CCDC178: variants seen among roughly 807,000 people sequenced by gnomAD.
CCDC178 encodes the protein coiled-coil domain containing 178, also known as coiled-coil domain-containing protein 178.
A neutral mutation model predicts 117.4 loss-of-function variants in CCDC178; 126 were observed. The ratio of observed to expected loss-of-function variants is 1.07; its 90% CI spans 0.93 to 1.24. The LOEUF (loss-of-function observed/expected upper bound fraction) is 1.24, where lower values mean the gene tolerates loss of function less well. CCDC178 is among the 50% of genes most tolerant of loss of function. CCDC178 has a pLI of 0.00. For missense variants in CCDC178, 1,030 were observed against 986.9 expected, an observed-to-expected ratio of 1.04 and a Z score of -0.59; for synonymous variants, 283 against 313.4, an observed-to-expected ratio of 0.90 and a Z score of 1.02.
chr18:32,991,243 C>G (rs529689428), intron 21 of CCDC178, among the ~76,000 whole-genome samples: 1 of 152,110 alleles, frequency 6.6e-6, no homozygotes, highest in Non-Finnish European at 1.5e-5. Flanking sequence ...TCCTTTTAAT[C>G]ATTGCACTTG....
At chr18:32,942,108 C>T (rs1440768777) in intron 22 of CCDC178, among the ~76,000 whole-genome samples, 2 of 152,108 alleles carry the variant, frequency 1.3e-5, no homozygotes, top group Non-Finnish European at 2.9e-5. Flanking sequence ...GTCATCTTTT[C>T]TCCTAATGTA....
At chr18:33,360,195 A>G (rs1236479759) in intron 6 of CCDC178, among the ~76,000 whole-genome samples, 2 of 151,016 alleles carry the variant, frequency 1.3e-5, no homozygotes, top group African/African-American at 4.8e-5. Flanking sequence ...ATATAGAATC[A>G]TCACATGATA....
chr18:33,353,887 T>C (rs1568170554), intron 7 of CCDC178, among the ~76,000 whole-genome samples: 1 of 152,206 alleles, frequency 6.6e-6, no homozygotes, highest in Non-Finnish European at 1.5e-5. Flanking sequence ...TATTGTTTAT[T>C]ATTTTATCAT....
chr18:33,053,238 C>A (rs2056774968), intron 21 of CCDC178, among the ~76,000 whole-genome samples: 1 of 152,128 alleles, frequency 6.6e-6, no homozygotes, highest in Non-Finnish European at 1.5e-5. Context: ...AGTCTACCTA[C>A]TGAGATGGCT....
At chr18:33,046,814 CAGAAG>C (rs770636948) in intron 21 of CCDC178, among the ~76,000 whole-genome samples, 1 of 152,074 alleles carries the variant, frequency 6.6e-6, no homozygotes, top group Non-Finnish European at 1.5e-5. Context: ...AGCAGCCCTA[CAGAAG>C]AGGGACCTGA....
intron 22 of CCDC178, among the ~76,000 whole-genome samples, chr18:32,964,589 A>G (rs2054771576): frequency 6.6e-6 from 1 of 151,990 alleles, no homozygotes; most frequent in Non-Finnish European, 1.5e-5. Flanking sequence ...GTCAGGGCAC[A>G]TTACTGTGTA....
At chr18:33,266,078 A>C (rs1041045705) in intron 14 of CCDC178, among the ~76,000 whole-genome samples, 36 of 152,150 alleles carry the variant, frequency 2.4e-4, no homozygotes, top group African/African-American at 8.4e-4. Flanking sequence ...TTGATAAGAC[A>C]TACATAAGAT....
At chr18:33,138,925 A>T (rs2058161836) in intron 20 of CCDC178, among the ~76,000 whole-genome samples, 3 of 152,194 alleles carry the variant, frequency 2.0e-5, no homozygotes, top group Admixed American at 6.5e-5. Context: ...CAAAGAAGGG[A>T]AGGAATTTCA....
intron 18 of CCDC178, among the ~76,000 whole-genome samples, chr18:33,217,193 TAGA>T (rs2059176689): frequency 6.6e-6 from 1 of 152,078 alleles, no homozygotes; most frequent in South Asian, 2.1e-4. Flanking sequence ...AGAATGATTT[TAGA>T]AGATTTCCAT....
intron 5 of CCDC178, among the ~76,000 whole-genome samples, chr18:33,386,505 C>T (rs753134019): frequency 2.6e-5 from 4 of 152,142 alleles, no homozygotes; most frequent in Non-Finnish European, 5.9e-5. Flanking sequence ...TATAGCAGCA[C>T]ATCAAAAAGC....
At chr18:33,312,078 G>T (rs1030418370) in intron 11 of CCDC178, among the ~76,000 whole-genome samples, 3 of 152,116 alleles carry the variant, frequency 2.0e-5, no homozygotes, top group African/African-American at 7.2e-5. Context: ...AAACTAAATG[G>T]AAAATATCAA....
chr18:33,302,104 G>A (rs1231446758), intron 11 of CCDC178, among the ~76,000 whole-genome samples: 1 of 152,084 alleles, frequency 6.6e-6, no homozygotes. Context: ...AGATCTGGTT[G>A]TTTAAAAGTG....
At position 33,089,392 on chromosome 18, in the gene CCDC178, T is replaced by C. The variant is rs147648663; in HGVS notation, c.2388+3369A>G. ...CTCAATGTTAGTTCTATATCTTACA[T>C]TGGGAGAGATGATAACAGTAATAGC... On this transcript the variant is annotated intron_variant, in intron 21 of 22. Transcript: ENST00000383096. 4.3e-3 allele frequency among the ~76,000 whole-genome samples: 660 copies of C among 152,206 alleles called. 3 individuals carry two copies. The highest frequency in any genetic ancestry group is 5.8e-3 in the Non-Finnish European group (393 of 67,976).
intron 9 of CCDC178, among the ~76,000 whole-genome samples, chr18:33,334,647 A>G (rs1053043636): frequency 3.3e-5 from 5 of 151,850 alleles, no homozygotes; most frequent in African/African-American, 1.2e-4. Context: ...TTTGGCCTGT[A>G]TTTTTCTATA....
intron 5 of CCDC178, among the ~76,000 whole-genome samples, chr18:33,388,741 G>C (rs184091250): frequency 6.6e-6 from 1 of 151,088 alleles, no homozygotes; most frequent in Non-Finnish European, 1.5e-5. Flanking sequence ...GGATGGTCTC[G>C]ATCTCCTGAC....
At chr18:33,077,657 T>C (rs965773001) in intron 21 of CCDC178, among the ~76,000 whole-genome samples, 1 of 152,158 alleles carries the variant, frequency 6.6e-6, no homozygotes, top group Admixed American at 6.5e-5. Flanking sequence ...AATACCTCTG[T>C]GCACACAAAC....
At chr18:33,277,677 T>G (rs2059966885) in intron 12 of CCDC178, among the ~76,000 whole-genome samples, 1 of 152,126 alleles carries the variant, frequency 6.6e-6, no homozygotes, top group South Asian at 2.1e-4. Flanking sequence ...TCACAGTTTC[T>G]ATGTGGCCCC....
chr18:33,222,114 G>A (rs2059241916), intron 18 of CCDC178, among the ~76,000 whole-genome samples: 1 of 152,026 alleles, frequency 6.6e-6, no homozygotes, highest in Middle Eastern at 3.4e-3. Flanking sequence ...TGATAATTTG[G>A]GGGTAAAACA....
chr18:33,014,383 GACAC>G (rs1220152069), intron 21 of CCDC178, among the ~76,000 whole-genome samples: 1 of 152,160 alleles, frequency 6.6e-6, no homozygotes, highest in Non-Finnish European at 1.5e-5. Context: ...CTGAAGAAGT[GACAC>G]CTATTGGGGC....
Sources: allele counts gnomAD v4.1 joint callset (sites outside exome capture counted in the v4.1 genomes callset), GRCh38; gene constraint gnomAD v4.1.1; transcripts MANE v1.5; gene names NCBI Gene and HGNC (gene_info 2026-07-23, HGNC 2026-07-21).